Variants in SEMA5A observed in about 807,000 individuals in gnomAD.
The protein encoded by SEMA5A is semaphorin-5A.
SEMA5A carries 55 observed loss-of-function variants against 135.5 expected under a neutral mutation model. The ratio of observed to expected loss-of-function variants is 0.41; its 90% CI spans 0.33 to 0.51. The LOEUF (loss-of-function observed/expected upper bound fraction) is 0.51. Ranked by LOEUF, SEMA5A falls within the 20% of genes least tolerant of loss-of-function variation. SEMA5A has a pLI of 0.37. For synonymous variants in SEMA5A, 580 were observed against 546.5 expected (o/e 1.06, Z -0.85); for missense variants, 1,290 against 1,419.9 (o/e 0.91, Z 1.47).
chr5:9,059,700 C>T (rs1417597104), intron 18 of SEMA5A, among the ~76,000 whole-genome samples: 1 of 152,136 alleles, frequency 6.6e-6, no homozygotes, highest in African/African-American at 2.4e-5. Context: ...CAGGTACATG[C>T]CACCATGCCA....
intron 12 of SEMA5A, among the ~76,000 whole-genome samples, chr5:9,138,584 CATTTT>C (rs559009035): frequency 6.1e-4 from 93 of 152,228 alleles, no homozygotes; most frequent in African/African-American, 1.8e-3. Flanking sequence ...ATTTCCCTTT[CATTTT>C]ATTTTATTTA....
chr5:9,336,941 T>G (rs575785031), intron 4 of SEMA5A, among the ~76,000 whole-genome samples: 16 of 152,316 alleles, frequency 1.1e-4, no homozygotes, highest in African/African-American at 3.8e-4. Context: ...AATGGACCCT[T>G]TCTTAAACTT....
intron 22 of SEMA5A, 80 bp from the exon 23 acceptor site, chr5:9,043,096 T>C (rs1381688499): frequency 6.3e-6 from 8 of 1,266,792 alleles, no homozygotes; most frequent in South Asian, 4.0e-5. Context: ...ATGACTATTA[T>C]GTTGAATTTG....
intron 2 of SEMA5A, among the ~76,000 whole-genome samples, chr5:9,432,120 G>A (rs777819684): frequency 6.6e-6 from 1 of 151,496 alleles, no homozygotes; most frequent in Non-Finnish European, 1.5e-5. Context: ...CAATTCTCCT[G>A]TCAGTGAGCT....
chr5:9,120,924 A>G (rs1740783428), intron 14 of SEMA5A, among the ~76,000 whole-genome samples: 1 of 151,906 alleles, frequency 6.6e-6, no homozygotes, highest in Admixed American at 6.6e-5. Context: ...GATTACAGGC[A>G]TGTGCCACCA....
intron 2 of SEMA5A, among the ~76,000 whole-genome samples, chr5:9,389,008 G>A (rs1756030232): frequency 6.6e-6 from 1 of 152,188 alleles, no homozygotes; most frequent in South Asian, 2.1e-4. Context: ...TGCTACCACA[G>A]TGGGAAGAAA....
chr5:9,362,435 C>A (rs1182171280), intron 3 of SEMA5A, among the ~76,000 whole-genome samples: 1 of 152,180 alleles, frequency 6.6e-6, no homozygotes, highest in Admixed American at 6.5e-5. Context: ...AAAGAACTAT[C>A]TTCTGTATGT....
intron 1 of SEMA5A, among the ~76,000 whole-genome samples, chr5:9,514,397 T>G (rs908719563): frequency 2.0e-5 from 3 of 152,092 alleles, no homozygotes; most frequent in Non-Finnish European, 4.4e-5. Flanking sequence ...TATCACACCC[T>G]CCACAGCAGC....
intron 2 of SEMA5A, among the ~76,000 whole-genome samples, chr5:9,386,185 C>A (rs150361722): frequency 6.6e-6 from 1 of 152,256 alleles, no homozygotes; most frequent in African/African-American, 2.4e-5. Flanking sequence ...ACTGCTCACA[C>A]AGAAACTAGA....
intron 11 of SEMA5A, among the ~76,000 whole-genome samples, chr5:9,177,690 A>C (rs1744278327): frequency 6.6e-6 from 1 of 152,178 alleles, no homozygotes; most frequent in African/African-American, 2.4e-5. Flanking sequence ...TAGGAGATGC[A>C]GGCCTGGGCT....
At chr5:9,272,038 G>A (rs371378981) in intron 5 of SEMA5A, among the ~76,000 whole-genome samples, 3 of 152,048 alleles carry the variant, frequency 2.0e-5, no homozygotes, top group South Asian at 4.2e-4. Context: ...CTGGAAAGGG[G>A]GCTGAAGCCT....
intron 5 of SEMA5A, among the ~76,000 whole-genome samples, chr5:9,315,082 CAT>C (rs924415689): frequency 3.9e-5 from 6 of 152,160 alleles, no homozygotes; most frequent in African/African-American, 1.2e-4. Context: ...AATATATACA[CAT>C]GAGTTAATGG....
At chr5:9,114,458 GT>G (rs67888620) in intron 15 of SEMA5A, among the ~76,000 whole-genome samples, 13 of 151,784 alleles carry the variant, frequency 8.6e-5, no homozygotes, top group South Asian at 8.3e-4. Context: ...GCAAATTTAT[GT>G]TTTTTTTGTG....
At chr5:9,044,341 G>A (rs1389670872) in intron 22 of SEMA5A, 32 bp downstream of exon 22, 4 of 1,569,620 alleles carry the variant, frequency 2.5e-6, no homozygotes, top group African/African-American at 2.7e-5. Context: ...AGGAAAACCA[G>A]GCACTTAGCA....
At chr5:9,469,241 T>C (rs1326312946) in intron 1 of SEMA5A, among the ~76,000 whole-genome samples, 3 of 152,134 alleles carry the variant, frequency 2.0e-5, no homozygotes, top group Non-Finnish European at 4.4e-5. Flanking sequence ...ACTCCTGACC[T>C]TGTGATCCAC....
At chr5:9,429,926 G>C (rs1311037201) in intron 2 of SEMA5A, among the ~76,000 whole-genome samples, 1 of 152,244 alleles carries the variant, frequency 6.6e-6, no homozygotes. Context: ...TCTCAGCAGA[G>C]AGCCTGTCTG....
intron 2 of SEMA5A, among the ~76,000 whole-genome samples, chr5:9,415,978 G>C (rs185363028): frequency 6.6e-6 from 1 of 152,172 alleles, no homozygotes; most frequent in South Asian, 2.1e-4. Context: ...TTCAAAGGCA[G>C]CTTTAAAGTC....
chr5:9,372,636 T>C (rs1249039976), intron 3 of SEMA5A, among the ~76,000 whole-genome samples: 2 of 151,456 alleles, frequency 1.3e-5, no homozygotes, highest in Non-Finnish European at 2.9e-5. Context: ...GGGAGACACA[T>C]AGTGCCATGG....
chr5:9,052,093 C>T (rs1736617703), intron 19 of SEMA5A, 65 bp from the exon 20 acceptor site: 6 of 1,447,940 alleles, frequency 4.1e-6, no homozygotes, highest in African/African-American at 1.4e-5. Context: ...CCTAGACTCA[C>T]TGGCAAGTTA....
Sources: allele counts gnomAD v4.1 joint callset (sites outside exome capture counted in the v4.1 genomes callset), GRCh38; gene constraint gnomAD v4.1.1; transcripts MANE v1.5; gene names NCBI Gene and HGNC (gene_info 2026-07-23, HGNC 2026-07-21).